Variants in UACA observed in about 807,000 individuals in gnomAD.
UACA encodes the protein uveal autoantigen with coiled-coil domains and ankyrin repeats.
UACA carries 112 observed loss-of-function variants against 160.5 expected under a neutral mutation model. The observed-to-expected ratio is 0.70, with a 90% confidence interval of 0.60 to 0.82. The LOEUF (loss-of-function observed/expected upper bound fraction) is 0.82. Among genes scored for constraint, UACA ranks in the 40% least tolerant of loss-of-function variants. The pLI is 0.00. For missense variants in UACA, 1,574 were observed against 1,614.6 expected (o/e 0.97, Z 0.43); for synonymous variants, 557 against 568.4 (o/e 0.98, Z 0.29).
At chr15:70,767,025 G>GCTT (rs2031024638), upstream of UACA, among the ~76,000 whole-genome samples, 1 of 151,756 alleles carries the variant, frequency 6.6e-6, no homozygotes, top group East Asian at 1.9e-4. Flanking sequence ...TGGATCACGG[G>GCTT]GTCAGGAGAT....
Position 70,660,174 on chromosome 15 carries a change from T to C in UACA, c.4156A>G (p.Thr1386Ala), listed in dbSNP as rs201974563. ...ACCTGTGCAGCACTAAGAAGGTGTG[T>C]CCGATAAATTGCAATTACTTCTTGG... ...QHQEVIAIYRTHLLSAAQGHM... is the reference protein window; with the variant it reads ...QHQEVIAIYRAHLLSAAQGHM... Residue 1386 changes from threonine to alanine, a missense_variant, in exon 18 of 19, where the codon ACA (threonine) becomes GCA (alanine). By Grantham distance (58) the Thr-to-Ala change is moderately conservative. Transcript: ENST00000322954. 1 of 1,613,678 alleles carries C rather than the reference T, an allele frequency of 6.2e-7. No homozygotes were observed. Among genetic ancestry groups the C allele is most frequent in the Non-Finnish European group, 8.5e-7 (1 of 1,179,692 alleles).
At chr15:70,670,974 CTT>C in intron 15 of UACA, 63 bp downstream of exon 15, 1 of 1,076,296 alleles carries the variant, frequency 9.3e-7, no homozygotes. Context: ...TTTCTCCTCT[CTT>C]TATAAAGGCA....
chr15:70,688,210 T>C (rs1359919244), intron 5 of UACA, among the ~76,000 whole-genome samples: 1 of 152,138 alleles, frequency 6.6e-6, no homozygotes, highest in African/African-American at 2.4e-5. Flanking sequence ...TTTTATAGAA[T>C]AGTCACAGTA....
Position 70,666,938 on chromosome 15 carries a change from T to C in UACA, c.3746A>G (p.Asn1249Ser). The C allele has an allele frequency of 6.2e-7, 1 of 1,612,372 alleles. No individual in the cohort carries two copies. Among genetic ancestry groups the C allele is most frequent in the Non-Finnish European group, 8.5e-7 (1 of 1,179,676 alleles). The change falls in exon 16 of 19, where the codon AAT (asparagine) becomes AGT (serine). Residue 1249 changes from asparagine to serine, a missense_variant. Asn to Ser is a conservative substitution (Grantham distance 46). Transcript: ENST00000322954. The stretch of plus-strand genomic sequence containing the variant: ...TACTTCCTCATACTTTCTATTCAGA[T>C]TGGCCAATTTTTCATTTAAGCTAGA... ...QISSLNEKLA[N>S]LNRKYEEVCE...
At chr15:70,694,880 C>T (rs117834805) in intron 3 of UACA, 137 bp downstream of exon 3, 22,397 of 738,430 alleles carry the variant, frequency 0.03, 435 homozygotes, top group South Asian at 0.043. Context: ...GAAGTAAACT[C>T]TTTCTCAACT....
intron 8 of UACA, among the ~76,000 whole-genome samples, chr15:70,683,971 CAA>C (rs774850410): frequency 3.8e-4 from 49 of 128,802 alleles, no homozygotes; most frequent in Non-Finnish European, 3.9e-4. Flanking sequence ...CCCTCTTCAT[CAA>C]AAAAAAAAAA....
At chr15:70,729,906 T>C (rs1899270453) in intron 1 of UACA, among the ~76,000 whole-genome samples, 2 of 115,422 alleles carry the variant, frequency 1.7e-5, no homozygotes, top group African/African-American at 4.4e-5. Context: ...CGGCAGGGTA[T>C]TCCAACAGAC....
At chr15:70,683,240 T>C (rs1174121011) in intron 8 of UACA, among the ~76,000 whole-genome samples, 1 of 151,982 alleles carries the variant, frequency 6.6e-6, no homozygotes, top group Non-Finnish European at 1.5e-5. Context: ...ATGCCTGTAG[T>C]CCCAGCTACT....
At chr15:70,659,395 G>GTTTTTTTTTTTTTTTT (rs71152307) in intron 18 of UACA, among the ~76,000 whole-genome samples, 409 of 18,840 alleles carry the variant, frequency 0.022, 173 homozygotes, top group East Asian at 0.041. Context: ...TTTTTTGTTT[G>GTTTTTTTTTTTTTTTT]TTTTTTTTTT....
intron 16 of UACA, 51 bp from the exon 17 acceptor site, chr15:70,664,865 T>G: frequency 6.8e-7 from 1 of 1,480,974 alleles, no homozygotes; most frequent in Non-Finnish European, 9.2e-7. Flanking sequence ...TCATGTACAA[T>G]GAACATCTTT....
intron 1 of UACA, among the ~76,000 whole-genome samples, chr15:70,708,441 A>G (rs1271771684): frequency 6.6e-6 from 1 of 152,038 alleles, no homozygotes; most frequent in Non-Finnish European, 1.5e-5. Flanking sequence ...TAAAAACATA[A>G]GTGCAATCTC....
Position 70,678,106 on chromosome 15 carries a change from A to C in UACA, c.992T>G (p.Leu331Arg). 6.3e-7 allele frequency: 1 copy of C among 1,589,128 alleles called. No homozygotes were observed. The highest frequency in any genetic ancestry group is 1.1e-5 in the South Asian group (1 of 86,962). The change falls in exon 11 of 19, where the codon CTG (leucine) becomes CGG (arginine). Residue 331 changes from leucine (L) to arginine (R), a missense_variant. Transcript: ENST00000322954. The part of the protein sequence containing the change: ...LDKVNGLQLQ[L>R]NEEVMVADDL... ...TTATGCAGATTTATTTACCTCATTC[A>C]GCTGTAACTGTAAACCATTGACTTT...
chr15:70,759,898 A>G (rs1410862683), intron 1 of UACA, among the ~76,000 whole-genome samples: 1 of 152,232 alleles, frequency 6.6e-6, no homozygotes, highest in Non-Finnish European at 1.5e-5. Flanking sequence ...ACTTTTGCCC[A>G]TAATCTGCAC....
chr15:70,669,232 G>T lies in UACA; in HGVS notation c.1452C>A (p.Val484=). The T allele has an allele frequency of 6.2e-7, 1 of 1,613,880 alleles. No individual in the cohort carries two copies. Among genetic ancestry groups the T allele is most frequent in the South Asian group, 1.1e-5 (1 of 91,058 alleles). Reference sequence around the variant, plus strand: ...TTATCTGTTCATCTGAATCCTCCTTGACCCTTTCACATTCTAATGCTAAAG... The same window carrying T: ...TTATCTGTTCATCTGAATCCTCCTTTACCCTTTCACATTCTAATGCTAAAG... The part of the protein sequence containing the change: ...CKALALECER[V]KEDSDEQIKQ... Residue 484 remains valine (V), a synonymous_variant, in exon 16 of 19, where the codon GTC becomes GTA. Coordinates refer to ENST00000322954, the MANE Select transcript of UACA (RefSeq NM_018003.4).
intron 1 of UACA, among the ~76,000 whole-genome samples, chr15:70,757,663 T>C (rs906802756): frequency 6.6e-6 from 1 of 152,242 alleles, no homozygotes; most frequent in South Asian, 2.1e-4. Context: ...CTTGAAAGAA[T>C]GCATCACTTT....
intron 1 of UACA, chr15:70,703,043 G>A (rs745820081): frequency 8.1e-6 from 10 of 1,236,196 alleles, no homozygotes; most frequent in African/African-American, 1.6e-5. Context: ...ATTAGACAAC[G>A]AGCTAGACTA....
intron 17 of UACA, among the ~76,000 whole-genome samples, chr15:70,664,406 T>C (rs933658508): frequency 6.6e-6 from 1 of 152,192 alleles, no homozygotes; most frequent in African/African-American, 2.4e-5. Context: ...GGAATAAATC[T>C]GCTTTGTGAG....
Position 70,679,666 on chromosome 15 carries a change from G to A in UACA, c.833C>T (p.Thr278Ile), listed in dbSNP as rs370959404. 1.7e-5 allele frequency: 27 copies of A among 1,587,728 alleles called. No homozygotes were observed. Among genetic ancestry groups the A allele is most frequent in the Non-Finnish European group, 3.4e-6 (4 of 1,167,256 alleles). The part of the protein sequence containing the change: ...KGPSLQQRNL[T>I]HMQDEVNVKS... ...CACATTTACTTCATCTTGCATGTGT[G>A]TCAAATTTCGCTTTGGTAAAACATA... The change falls in exon 10 of 19, where the codon ACA (threonine) becomes ATA (isoleucine). Residue 278 changes from threonine to isoleucine, a missense_variant. Coordinates refer to ENST00000322954, the MANE Select transcript of UACA (RefSeq NM_018003.4).
Position 70,708,154 on chromosome 15 carries a change from A to G in UACA, c.79-8494T>C, listed in dbSNP as rs185602582. 6.5e-3 allele frequency among the ~76,000 whole-genome samples: 991 copies of G among 152,316 alleles called. 6 individuals carry two copies. Among genetic ancestry groups the G allele is most frequent in the South Asian group, 0.015 (74 of 4,820 alleles). On this transcript the variant is annotated intron_variant, in intron 1 of 18. Coordinates refer to ENST00000322954, the MANE Select transcript of UACA (RefSeq NM_018003.4). ...GATGAATCTTGAGAGACATTATGCT[A>G]AATGAAATTAGCCAGTCAAAAAAAG...
Sources: gnomAD v4.1 joint callset for allele counts (sites outside exome capture counted in the v4.1 genomes callset) on GRCh38, gnomAD v4.1.1 for gene constraint, MANE v1.5 for transcripts, NCBI Gene and HGNC (gene_info 2026-07-23, HGNC 2026-07-21) for gene names.